FGF1: variants seen among roughly 807,000 people sequenced by gnomAD.
FGF1 encodes fibroblast growth factor 1.
Under a neutral mutation model 13.4 loss-of-function variants are expected in FGF1, and 9 were observed. The ratio of observed to expected loss-of-function variants is 0.67; its 90% CI spans 0.40 to 1.17. The LOEUF (loss-of-function observed/expected upper bound fraction) is 1.17, where lower values mean the gene tolerates loss of function less well. FGF1 is among the 50% of genes most tolerant of loss of function. The pLI, the probability that FGF1 is intolerant of heterozygous loss-of-function variation, is 0.01. For missense variants in FGF1, 156 were observed against 192.7 expected (o/e 0.81, Z 1.13); for synonymous variants, 93 against 79.0 (o/e 1.18, Z -0.94).
At chr5:142,646,478 G>A (rs1263408162) in intron 1 of FGF1, among the ~76,000 whole-genome samples, 6 of 151,522 alleles carry the variant, frequency 4.0e-5, no homozygotes, top group African/African-American at 9.7e-5. Context: ...TCAGCCTCCC[G>A]AGTAGCTGGG....
Position 142,599,040 on chromosome 5 carries a change from G to A in FGF1, c.273+1662C>T, listed in dbSNP as rs541739885. On this transcript the variant is annotated intron_variant, in intron 3 of 3. Transcript: ENST00000337706. ...TGACGTGCCAGCCACTCTGATGGGC[G>A]CATTCTGTGTGTTGCACCACTGAAC... Among the ~76,000 whole-genome samples, 432 of 152,226 alleles carry A rather than the reference G, an allele frequency of 2.8e-3. 1 individual carries two copies. Among genetic ancestry groups the A allele is most frequent in the African/African-American group, 9.6e-3 (400 of 41,530 alleles).
chr5:142,640,428 G>T (rs865791365), intron 1 of FGF1, among the ~76,000 whole-genome samples: 2 of 142,378 alleles, frequency 1.4e-5, no homozygotes, highest in Non-Finnish European at 3.1e-5. Context: ...GAGTATGGTG[G>T]GGGGGGGGGT....
chr5:142,683,168 C>G (rs1239961479), intron 1 of FGF1, among the ~76,000 whole-genome samples: 1 of 152,192 alleles, frequency 6.6e-6, no homozygotes, highest in Non-Finnish European at 1.5e-5. Flanking sequence ...TTCCAGCAAC[C>G]TAAATCAAGG....
At chr5:142,635,662 T>C (rs1373855521) in intron 1 of FGF1, among the ~76,000 whole-genome samples, 1 of 152,226 alleles carries the variant, frequency 6.6e-6, no homozygotes, top group African/African-American at 2.4e-5. Flanking sequence ...CTGAGCTTTC[T>C]TCCCCAAAGT....
rs938352203 is a variant in FGF1, at chr5:142,657,079, A to G, written c.-35+28878T>C. Among the ~76,000 whole-genome samples, 21 of 152,012 alleles carry G rather than the reference A, an allele frequency of 1.4e-4. No homozygotes were observed. The South Asian group carries it at 4.4e-3, about 32-fold the overall frequency. ...ATTATAGGCATGTGCCACCACGCCC[A>G]GCTAATTTTGTATTTTTAGTAGAGA... On this transcript the variant is annotated intron_variant, in intron 1 of 3. Transcript: ENST00000337706.
At position 142,592,372 on chromosome 5, in the gene FGF1, TC is replaced by T. The variant is rs771135391; in HGVS notation, c.*2917del. On this transcript the variant is annotated 3_prime_UTR_variant, in exon 4 of 4. Transcript: ENST00000337706. The stretch of plus-strand genomic sequence containing the variant: ...TGCCTCTGACACAAAGCAAGGACCT[TC>T]AGTACTAGCTGATGCTCCAATCAGT... 2 of 398,556 alleles carry T rather than the reference TC, an allele frequency of 5.0e-6. No individual in the cohort carries two copies. The highest frequency in any genetic ancestry group is 8.8e-6 in the Non-Finnish European group (2 of 226,022). 24.7% of individuals were successfully genotyped at this position (398,556 alleles called of 1,614,324 possible).
intron 1 of FGF1, among the ~76,000 whole-genome samples, chr5:142,651,144 C>A (rs527816075): frequency 2.0e-5 from 3 of 152,056 alleles, no homozygotes; most frequent in East Asian, 1.9e-4. Flanking sequence ...GCAGTGATAA[C>A]CCAGGGGCAC....
chr5:142,655,756 G>A (rs1331783956), intron 1 of FGF1, among the ~76,000 whole-genome samples: 3 of 152,210 alleles, frequency 2.0e-5, no homozygotes, highest in Admixed American at 2.0e-4. Flanking sequence ...GAAGCTGAAG[G>A]ATGTGCTGAT....
chr5:142,616,555 C>T (rs1171568104), intron 1 of FGF1, among the ~76,000 whole-genome samples: 2 of 152,162 alleles, frequency 1.3e-5, no homozygotes, highest in Non-Finnish European at 2.9e-5. Flanking sequence ...AGTACAATCT[C>T]TCTCCATCCT....
In FGF1 at chr5:142,632,077, G is replaced by A. The variant is rs575671526; in HGVS notation, c.-34-17916C>T. On this transcript the variant is annotated intron_variant, in intron 1 of 3. Coordinates refer to ENST00000337706, the MANE Select transcript of FGF1 (RefSeq NM_000800.5). ...ATTACAAGCACGAGCCACCACGCCC[G>A]GCCTAATTTTCTTATTTAAAGCAAG... 1.3e-4 allele frequency among the ~76,000 whole-genome samples: 20 copies of A among 152,140 alleles called. No individual in the cohort carries two copies. The East Asian group carries it at 2.9e-3, about 22-fold the overall frequency.
At chr5:142,674,048 A>G (rs151068474) in intron 1 of FGF1, among the ~76,000 whole-genome samples, 1 of 152,258 alleles carries the variant, frequency 6.6e-6, no homozygotes, top group Non-Finnish European at 1.5e-5. Flanking sequence ...TCCCTGAGGA[A>G]CAGTCCTCAC....
chr5:142,663,442 A>G (rs1452421558), intron 1 of FGF1, among the ~76,000 whole-genome samples: 1 of 152,192 alleles, frequency 6.6e-6, no homozygotes, highest in African/African-American at 2.4e-5. Flanking sequence ...AGTATGACTC[A>G]GTGGCTTGGA....
intron 3 of FGF1, among the ~76,000 whole-genome samples, chr5:142,599,556 G>C (rs1380842139): frequency 6.6e-6 from 1 of 152,166 alleles, no homozygotes; most frequent in Non-Finnish European, 1.5e-5. Context: ...AGGAATTACA[G>C]CCAAGCCTTA....
intron 2 of FGF1, among the ~76,000 whole-genome samples, chr5:142,601,858 A>G (rs1756637032): frequency 6.6e-6 from 1 of 152,224 alleles, no homozygotes. Flanking sequence ...TGTCCATTTG[A>G]TAATTATTAA....
chr5:142,646,069 C>T (rs569178452), intron 1 of FGF1, among the ~76,000 whole-genome samples: 41 of 152,106 alleles, frequency 2.7e-4, no homozygotes, highest in African/African-American at 6.3e-4. Flanking sequence ...CCACCACACC[C>T]GGCTAATTTT....
chr5:142,634,945 A>G (rs188228791), intron 1 of FGF1, among the ~76,000 whole-genome samples: 23 of 152,018 alleles, frequency 1.5e-4, no homozygotes, highest in Non-Finnish European at 3.2e-4. Flanking sequence ...CCAGAACAGG[A>G]TAAGTCTCAC....
At chr5:142,651,059 C>T (rs781218014) in intron 1 of FGF1, among the ~76,000 whole-genome samples, 8 of 152,160 alleles carry the variant, frequency 5.3e-5, no homozygotes, top group Non-Finnish European at 1.2e-4. Flanking sequence ...CCTCCCTATT[C>T]GTGCTTTTGC....
intron 1 of FGF1, among the ~76,000 whole-genome samples, chr5:142,629,482 A>T (rs249918): frequency 1.3e-5 from 2 of 152,072 alleles, no homozygotes; most frequent in Non-Finnish European, 2.9e-5. Flanking sequence ...TTTCATTAAC[A>T]CATAACATTT....
At chr5:142,627,674 C>T (rs952094365) in intron 1 of FGF1, among the ~76,000 whole-genome samples, 11 of 152,164 alleles carry the variant, frequency 7.2e-5, no homozygotes, top group Admixed American at 1.3e-4. Flanking sequence ...GGGAGCAGGG[C>T]CCAGGATATG....
Sources: allele counts gnomAD v4.1 joint callset (sites outside exome capture counted in the v4.1 genomes callset), GRCh38; gene constraint gnomAD v4.1.1; transcripts MANE v1.5; gene names NCBI Gene and HGNC (gene_info 2026-07-23, HGNC 2026-07-21).